The following DPP8 variants were observed in gnomAD, a reference collection of about 807,000 sequenced individuals.
DPP8 encodes the protein dipeptidyl peptidase 8.
Under a neutral mutation model 107.5 loss-of-function variants are expected in DPP8, and 31 were observed. The ratio of observed to expected loss-of-function variants is 0.29; its 90% CI spans 0.22 to 0.39. The LOEUF (loss-of-function observed/expected upper bound fraction) is 0.39, where lower values mean the gene tolerates loss of function less well. Ranked by LOEUF, DPP8 falls within the 10% of genes least tolerant of loss-of-function variation. The pLI is 1.00. For missense variants in DPP8, 842 were observed against 1,076.1 expected, an observed-to-expected ratio of 0.78 and a Z score of 3.04; for synonymous variants, 381 against 356.6, an observed-to-expected ratio of 1.07 and a Z score of -0.77.
At chr15:65,478,214 G>A (rs1010586105) in intron 11 of DPP8, among the ~76,000 whole-genome samples, 2 of 150,956 alleles carry the variant, frequency 1.3e-5, no homozygotes, top group African/African-American at 4.9e-5. Context: ...GAAACATCTA[G>A]TGTGTAAAAA....
chr15:65,449,469 G>A (rs1233492837), intron 19 of DPP8, among the ~76,000 whole-genome samples: 2 of 151,556 alleles, frequency 1.3e-5, no homozygotes, highest in Non-Finnish European at 2.9e-5. Context: ...GAGTTCAGTG[G>A]CACGATCTCG....
chr15:65,484,303 G>C (rs992849458), intron 8 of DPP8, among the ~76,000 whole-genome samples: 7 of 150,872 alleles, frequency 4.6e-5, no homozygotes, highest in African/African-American at 1.7e-4. Flanking sequence ...TCCAGCCCGG[G>C]TGACAGTGCA....
Position 65,454,323 on chromosome 15 carries a change from G to C in DPP8, c.2211C>G (p.Gly737=). The change falls in exon 17 of 20, where the codon GGC becomes GGG. Residue 737 remains glycine, a synonymous_variant. Coordinates refer to ENST00000300141, the MANE Select transcript of DPP8 (RefSeq NM_130434.5). The part of the protein sequence containing the change: ...FIDLDRVGIH[G]WSYGGYLSLM... ...GGGAGAGGTATCCTCCATAGGACCA[G>C]CCGTGGATGCCCACACGATCTAAGT... 1 of 1,603,700 alleles carries C rather than the reference G, an allele frequency of 6.2e-7. No homozygotes were observed. The highest frequency in any genetic ancestry group is 8.5e-7 in the Non-Finnish European group (1 of 1,176,360).
rs749301023 is a variant in DPP8 at position 65,466,721 on chromosome 15, A to T, written c.1782T>A (p.Thr594=). The change falls in exon 14 of 20, where the codon ACT becomes ACA. Residue 594 remains threonine (T), a synonymous_variant. Coordinates refer to ENST00000300141, the MANE Select transcript of DPP8 (RefSeq NM_130434.5). The stretch of plus-strand genomic sequence containing the variant: ...TGGCCCAAAATTCCTTTGTTTTGCA[A>T]GTTGGGTCATCTTCAGGACTTGATA... The part of the protein sequence containing the change: ...YKLSSPEDDP[T]CKTKEFWATI... The T allele has an allele frequency of 6.2e-7, 1 of 1,613,998 alleles. No homozygotes were observed. Among genetic ancestry groups the T allele is most frequent in the Non-Finnish European group, 8.5e-7 (1 of 1,180,006 alleles).
chr15:65,499,290 G>A (rs2068950896), intron 4 of DPP8, among the ~76,000 whole-genome samples: 1 of 151,562 alleles, frequency 6.6e-6, no homozygotes, highest in Non-Finnish European at 1.5e-5. Context: ...GGACAGTAGA[G>A]CGATCTCAGC....
chr15:65,470,141 G>T (rs2140538042), intron 12 of DPP8, among the ~76,000 whole-genome samples: 1 of 135,724 alleles, frequency 7.4e-6, no homozygotes, highest in Admixed American at 8.1e-5. Context: ...GTTGCAATGA[G>T]CTGAGATCGC....
chr15:65,450,724 G>A (rs934430942), intron 19 of DPP8: 2 of 261,782 alleles, frequency 7.6e-6, no homozygotes, highest in African/African-American at 4.5e-5. Flanking sequence ...GGATAACAGT[G>A]AATGGACTTC....
At position 65,480,387 on chromosome 15, in the gene DPP8, G is replaced by A. The variant is rs569438278; in HGVS notation, c.1131C>T (p.Ile377=). The A allele has an allele frequency of 6.2e-7, 1 of 1,609,504 alleles. No homozygotes were observed. Among genetic ancestry groups the A allele is most frequent in the African/African-American group, 1.3e-5 (1 of 74,696 alleles). The change falls in exon 10 of 20, where the codon ATC becomes ATT. Residue 377 remains isoleucine, a synonymous_variant. Coordinates refer to ENST00000300141, the MANE Select transcript of DPP8 (RefSeq NM_130434.5). ...WTPEGKYAWS[I]LLDRSQTRLQ... is the part of the protein sequence containing the mutation. The stretch of plus-strand genomic sequence containing the variant: ...GGCGAGTCTGGGAGCGATCTAGTAG[G>A]ATGGACCAAGCACTATTTAAATAAA...
At chr15:65,513,442 G>A (rs943795538) in intron 1 of DPP8, among the ~76,000 whole-genome samples, 1 of 152,130 alleles carries the variant, frequency 6.6e-6, no homozygotes, top group African/African-American at 2.4e-5. Flanking sequence ...TTGATCTCCT[G>A]ACCTTGTGAT....
At position 65,497,468 on chromosome 15, in the gene DPP8, G is replaced by C. The variant is rs142463576; in HGVS notation, c.715+396C>G. ...GAGGTGTCACCATGTTGCCCATCCTGATCTTGAACTTCTGGGCTCAAACAA... is the reference window on the plus strand; with the variant it reads ...GAGGTGTCACCATGTTGCCCATCCTCATCTTGAACTTCTGGGCTCAAACAA... On this transcript the variant is annotated intron_variant, in intron 5 of 19. Transcript: ENST00000300141. Among the ~76,000 whole-genome samples, 1,431 of 151,918 alleles carry C rather than the reference G, an allele frequency of 9.4e-3. 8 individuals are homozygous for C. The highest frequency in any genetic ancestry group is 0.02 in the Middle Eastern group (6 of 294).
At chr15:65,481,401 T>C in intron 9 of DPP8, 114 bp downstream of exon 9, 1 of 736,476 alleles carries the variant, frequency 1.4e-6, no homozygotes, top group Non-Finnish European at 2.3e-6. Context: ...ATAACTGTAC[T>C]GCAAATTTAC....
intron 8 of DPP8, among the ~76,000 whole-genome samples, chr15:65,483,381 G>A (rs888196116): frequency 6.6e-6 from 1 of 151,832 alleles, no homozygotes; most frequent in African/African-American, 2.4e-5. Context: ...AATTAGCGGG[G>A]CATGGTGGTG....
chr15:65,491,160 C>CAAAAAA (rs764574499), intron 5 of DPP8, among the ~76,000 whole-genome samples: 10 of 55,010 alleles, frequency 1.8e-4, no homozygotes, highest in South Asian at 7.9e-4. Flanking sequence ...GACTCCGTCT[C>CAAAAAA]AAAAAAAAAA....
At chr15:65,460,446 C>T (rs778469554) in intron 15 of DPP8, among the ~76,000 whole-genome samples, 14 of 148,602 alleles carry the variant, frequency 9.4e-5, no homozygotes, top group Non-Finnish European at 1.9e-4. Context: ...GTCTCAAAAA[C>T]AAAGAATCAA....
At chr15:65,451,156 T>C (rs2063944891) in intron 18 of DPP8, 46 bp from the exon 19 acceptor site, 1 of 1,142,244 alleles carries the variant, frequency 8.8e-7, no homozygotes, top group Non-Finnish European at 1.3e-6. Flanking sequence ...TAGTAGAGTA[T>C]TTGGGAAAAC....
At chr15:65,467,914 G>C (rs1316605359) in intron 12 of DPP8, among the ~76,000 whole-genome samples, 1 of 152,074 alleles carries the variant, frequency 6.6e-6, no homozygotes, top group East Asian at 1.9e-4. Flanking sequence ...TTATTAGTTA[G>C]TGTTATATTA....
At chr15:65,470,195 C>CAAAAAAAAAA (rs11310623) in intron 12 of DPP8, among the ~76,000 whole-genome samples, 114 of 58,440 alleles carry the variant, frequency 2.0e-3, no homozygotes, top group East Asian at 4.1e-3. Flanking sequence ...ACTCTTGTCT[C>CAAAAAAAAAA]AAAAAAAAAA....
intron 12 of DPP8, among the ~76,000 whole-genome samples, chr15:65,472,114 A>G (rs1416975474): frequency 2.0e-5 from 3 of 152,166 alleles, no homozygotes; most frequent in African/African-American, 7.2e-5. Flanking sequence ...CTGAATTGGT[A>G]CTGAGAATAA....
At chr15:65,489,180 C>G (rs530077441) in intron 6 of DPP8, among the ~76,000 whole-genome samples, 1 of 151,930 alleles carries the variant, frequency 6.6e-6, no homozygotes. Flanking sequence ...AGGATAGTCT[C>G]GATCTCCTGA....
Sources: gnomAD v4.1 joint callset for allele counts (sites outside exome capture counted in the v4.1 genomes callset) on GRCh38, gnomAD v4.1.1 for gene constraint, MANE v1.5 for transcripts, NCBI Gene and HGNC (gene_info 2026-07-23, HGNC 2026-07-21) for gene names.